The following CNGB1 variants were observed in gnomAD, a reference collection of about 807,000 sequenced individuals.
The protein encoded by CNGB1 is cyclic nucleotide-gated channel beta-1.
Under a neutral mutation model 151.7 loss-of-function variants are expected in CNGB1, and 126 were observed. The observed-to-expected ratio is 0.83, with a 90% CI of 0.72 to 0.96. CNGB1 has a LOEUF of 0.96. Ranked by LOEUF, CNGB1 falls within the 40% of genes least tolerant of loss-of-function variation. The pLI, the probability that CNGB1 is intolerant of heterozygous loss-of-function variation, is 0.00. For missense variants in CNGB1, 1,698 were observed against 1,627.0 expected (o/e 1.04, Z -0.75); for synonymous variants, 623 against 635.1 (o/e 0.98, Z 0.29).
intron 17 of CNGB1, among the ~76,000 whole-genome samples, chr16:57,930,629 A>G (rs1961321395): frequency 6.6e-6 from 1 of 152,192 alleles, no homozygotes; most frequent in South Asian, 2.1e-4. Context: ...CAAAGAAAAG[A>G]AAATGTGGCA....
Position 57,919,080 on chromosome 16 carries a change from C to A in CNGB1, c.1957+19G>T. On this transcript the variant is annotated intron_variant, in intron 20 of 32. Coordinates refer to ENST00000251102, the MANE Select transcript of CNGB1 (RefSeq NM_001297.5). ...TCTCTCATCTTACACAGTGGGAACA[C>A]CCATTCCCCAGGACTCACTGGTCAG... 6.2e-7 allele frequency: 1 copy of A among 1,614,214 alleles called. No homozygotes were observed. The highest frequency in any genetic ancestry group is 1.1e-5 in the South Asian group (1 of 91,072).
intron 7 of CNGB1, 59 bp from the exon 8 acceptor site, chr16:57,960,974 GC>G: frequency 6.6e-7 from 1 of 1,513,366 alleles, no homozygotes; most frequent in Non-Finnish European, 9.1e-7. Flanking sequence ...CGCACTAACA[GC>G]CCACCTCGGG....
intron 19 of CNGB1, among the ~76,000 whole-genome samples, chr16:57,919,811 G>T (rs7193726): frequency 0.058 from 8,843 of 152,124 alleles, 300 homozygotes; most frequent in African/African-American, 0.088. Flanking sequence ...GGTTCAATAT[G>T]GCTATGTTTT....
chr16:57,913,308 CA>C (rs1208615355), intron 23 of CNGB1, among the ~76,000 whole-genome samples: 4 of 152,176 alleles, frequency 2.6e-5, no homozygotes, highest in Non-Finnish European at 5.9e-5. Context: ...TACATGCATC[CA>C]GGTTAAAGCT....
Position 57,884,228 on chromosome 16 carries a change from G to C in CNGB1, c.3692C>G (p.Pro1231Arg). Reference sequence around the variant, plus strand: ...CGACAGGATCTGCTCTCCCGGCTCCGGGCCCGGGCTCATGCAGATCCTCAC... The same window carrying C: ...CGACAGGATCTGCTCTCCCGGCTCCCGGCCCGGGCTCATGCAGATCCTCAC... ...HSVRICMSPG[P>R]EPGEQILSVK... The change falls in exon 33 of 33, where the codon CCG becomes CGG. Residue 1231 changes from proline (P) to arginine (R), a missense_variant. By Grantham distance (103) the Pro-to-Arg change is moderately radical. Coordinates refer to ENST00000251102, the MANE Select transcript of CNGB1 (RefSeq NM_001297.5). The C allele has an allele frequency of 1.2e-6, 2 of 1,613,900 alleles. No homozygotes were observed. Among genetic ancestry groups the C allele is most frequent in the South Asian group, 1.1e-5 (1 of 91,088 alleles).
chr16:57,924,730 C>T (rs1311139110), intron 17 of CNGB1, among the ~76,000 whole-genome samples: 1 of 152,112 alleles, frequency 6.6e-6, no homozygotes, highest in Non-Finnish European at 1.5e-5. Flanking sequence ...GTGATTAGAT[C>T]ACGGGGGCGG....
Position 57,957,351 on chromosome 16 carries a change from A to G in CNGB1, c.864T>C (p.Asp288=), listed in dbSNP as rs1962115495. 1 of 1,614,084 alleles carries G rather than the reference A, an allele frequency of 6.2e-7. No homozygotes were observed. Among genetic ancestry groups the G allele is most frequent in the East Asian group, 2.2e-5 (1 of 44,874 alleles). ...EQEPDSPGIC[D]VQTISILPGG... is the part of the protein sequence containing the mutation. ...TAATGTGTCACTTACTGGTCTGCACATCACATATCCCAGGGGAGTCAGGCT... is the reference window on the plus strand; with the variant it reads ...TAATGTGTCACTTACTGGTCTGCACGTCACATATCCCAGGGGAGTCAGGCT... The change falls in exon 12 of 33, where the codon GAT becomes GAC. Residue 288 remains aspartate, a synonymous_variant. Transcript: ENST00000251102.
Position 57,955,164 on chromosome 16 carries a change from A to G in CNGB1, c.874+2177T>C, listed in dbSNP as rs1410311579. 4.7e-6 allele frequency: 7 copies of G among 1,494,472 alleles called. No individual in the cohort carries two copies. In the African/African-American group the frequency reaches 9.7e-5, roughly 21 times the overall value. The allele number at this position is 1,494,472 out of a possible 1,614,324, so 92.6% of individuals were successfully genotyped here. ...GTCTGGGAGGCTCTGGGGCTGGTGC[A>G]GGTGACTCTGGCTCCCCTTGTCCTG... On this transcript the variant is annotated intron_variant, in intron 12 of 32. Coordinates refer to ENST00000251102, the MANE Select transcript of CNGB1 (RefSeq NM_001297.5).
At chr16:57,912,316 G>A (rs1960739996) in intron 24 of CNGB1, among the ~76,000 whole-genome samples, 1 of 152,140 alleles carries the variant, frequency 6.6e-6, no homozygotes, top group Non-Finnish European at 1.5e-5. Flanking sequence ...AGCTGGCTGG[G>A]GGCTCCAGTT....
intron 10 of CNGB1, among the ~76,000 whole-genome samples, chr16:57,959,547 A>G (rs1962182635): frequency 6.6e-6 from 1 of 152,228 alleles, no homozygotes; most frequent in Admixed American, 6.5e-5. Flanking sequence ...GGTTGCAGTG[A>G]GCAGAGATTG....
At chr16:57,968,754 C>A (rs1962460782) in intron 1 of CNGB1, among the ~76,000 whole-genome samples, 1 of 151,570 alleles carries the variant, frequency 6.6e-6, no homozygotes, top group South Asian at 2.1e-4. Context: ...GGGCTGGGTG[C>A]AGAGGCTCAT....
At chr16:57,888,148 C>T in intron 31 of CNGB1, 74 bp from the exon 32 acceptor site, 2 of 1,472,982 alleles carry the variant, frequency 1.4e-6, no homozygotes, top group Non-Finnish European at 1.9e-6. Flanking sequence ...CTGCAGCCTC[C>T]TTTAAGCTGG....
chr16:57,897,356 T>A, intron 31 of CNGB1, 41 bp downstream of exon 31: 1 of 1,609,706 alleles, frequency 6.2e-7, no homozygotes, highest in Non-Finnish European at 8.5e-7. Context: ...AAATTCATTG[T>A]CCTTAGCAAT....
chr16:57,948,599 C>G (rs947579357), intron 14 of CNGB1, among the ~76,000 whole-genome samples: 6 of 152,096 alleles, frequency 3.9e-5, no homozygotes, highest in Non-Finnish European at 5.9e-5. Context: ...TCTATCCACA[C>G]TCGCTCCCTG....
At chr16:57,922,164 A>T (rs1961054128) in intron 18 of CNGB1, among the ~76,000 whole-genome samples, 1 of 152,144 alleles carries the variant, frequency 6.6e-6, no homozygotes, top group Non-Finnish European at 1.5e-5. Flanking sequence ...TTAAGCATAA[A>T]CTGCATAAAA....
chr16:57,953,502 A>AG (rs1962011552), intron 12 of CNGB1, among the ~76,000 whole-genome samples: 1 of 151,312 alleles, frequency 6.6e-6, no homozygotes, highest in Non-Finnish European at 1.5e-5. Flanking sequence ...TTAAAAAAAA[A>AG]AAAAAAAAAA....
intron 14 of CNGB1, among the ~76,000 whole-genome samples, chr16:57,947,641 C>T (rs772151537): frequency 5.9e-5 from 9 of 152,150 alleles, no homozygotes; most frequent in Admixed American, 1.3e-4. Context: ...GCTGTGTGGC[C>T]TCCTGTCAAG....
chr16:57,947,909 C>T (rs1567391254), intron 14 of CNGB1, among the ~76,000 whole-genome samples: 1 of 152,126 alleles, frequency 6.6e-6, no homozygotes, highest in Non-Finnish European at 1.5e-5. Context: ...AAGCTCTGAG[C>T]GGGTACACCA....
intron 16 of CNGB1, among the ~76,000 whole-genome samples, chr16:57,936,367 G>A (rs59329101): frequency 0.039 from 5,895 of 152,120 alleles, 355 homozygotes; most frequent in African/African-American, 0.13. Context: ...CCTCCACTCC[G>A]ATCCCAGACT....
Sources: allele counts gnomAD v4.1 joint callset (sites outside exome capture counted in the v4.1 genomes callset), GRCh38; gene constraint gnomAD v4.1.1; transcripts MANE v1.5; gene names NCBI Gene and HGNC (gene_info 2026-07-23, HGNC 2026-07-21).